MAPRE2: variants seen among roughly 807,000 people sequenced by gnomAD.
MAPRE2 encodes the protein microtubule associated protein RP/EB family member 2.
In MAPRE2, 13 loss-of-function variants were observed where a neutral mutation model predicts 43.2. The ratio of observed to expected loss-of-function variants is 0.30; its 90% CI spans 0.20 to 0.48. MAPRE2 has a LOEUF of 0.48. Ranked by LOEUF, MAPRE2 falls within the 20% of genes least tolerant of loss-of-function variation. The pLI is 0.99. For synonymous variants in MAPRE2, 135 were observed against 148.8 expected, an observed-to-expected ratio of 0.91 and a Z score of 0.68; for missense variants, 161 against 400.2, an observed-to-expected ratio of 0.40 and a Z score of 5.10.
chr18:35,014,966 A>G (rs190914701), intron 2 of MAPRE2, among the ~76,000 whole-genome samples: 2 of 152,258 alleles, frequency 1.3e-5, no homozygotes, highest in East Asian at 1.9e-4. Context: ...AATGTCACTA[A>G]AATTACTCTG....
intron 2 of MAPRE2, among the ~76,000 whole-genome samples, chr18:35,035,233 A>T (rs1373222889): frequency 2.0e-5 from 3 of 151,996 alleles, no homozygotes; most frequent in Non-Finnish European, 4.4e-5. Flanking sequence ...GAAATTGGAA[A>T]TCATCATTCT....
intron 4 of MAPRE2, among the ~76,000 whole-genome samples, chr18:35,116,608 C>T (rs1330947589): frequency 6.6e-6 from 1 of 152,198 alleles, no homozygotes; most frequent in Non-Finnish European, 1.5e-5. Context: ...GAAGGCCACC[C>T]TCAGTTCCTA....
intron 4 of MAPRE2, among the ~76,000 whole-genome samples, chr18:35,103,653 T>G (rs1908778714): frequency 6.6e-6 from 1 of 152,126 alleles, no homozygotes; most frequent in African/African-American, 2.4e-5. Context: ...TAGAGTGTCT[T>G]GAGAAACTTG....
At chr18:35,113,334 G>A (rs1443723366) in intron 4 of MAPRE2, among the ~76,000 whole-genome samples, 1 of 152,178 alleles carries the variant, frequency 6.6e-6, no homozygotes, top group Non-Finnish European at 1.5e-5. Context: ...TTCCTAGGAA[G>A]AGCCATACAT....
chr18:35,069,098 T>C (rs573581778), intron 1 of MAPRE2, among the ~76,000 whole-genome samples: 1 of 152,302 alleles, frequency 6.6e-6, no homozygotes, highest in East Asian at 1.9e-4. Context: ...CAGCGGAACA[T>C]GTTAAACCAC....
At chr18:35,046,730 G>A (rs1905640374) in intron 1 of MAPRE2, among the ~76,000 whole-genome samples, 1 of 152,210 alleles carries the variant, frequency 6.6e-6, no homozygotes. Flanking sequence ...TTAATGCCAT[G>A]CGAGAGCTTG....
intron 1 of MAPRE2, among the ~76,000 whole-genome samples, chr18:35,054,947 G>A (rs751376267): frequency 6.6e-6 from 1 of 152,106 alleles, no homozygotes; most frequent in Non-Finnish European, 1.5e-5. Flanking sequence ...GACCGAAGTC[G>A]AAGTTCTTGA....
At chr18:35,101,389 T>C (rs529310175) in intron 3 of MAPRE2, among the ~76,000 whole-genome samples, 1 of 152,218 alleles carries the variant, frequency 6.6e-6, no homozygotes, top group African/African-American at 2.4e-5. Flanking sequence ...GCATTTACCC[T>C]TTGAGTTACA....
In MAPRE2 at chr18:34,981,266, C is replaced by G. The variant is rs993722663; in HGVS notation, c.-70+4187C>G. Among the ~76,000 whole-genome samples the G allele has an allele frequency of 2.0e-5, 3 of 151,632 alleles. No individual in the cohort carries two copies. In the South Asian group the frequency reaches 6.2e-4, roughly 32 times the overall value. The stretch of plus-strand genomic sequence containing the variant: ...GCACACACCTGTAGTCCCAGCTACT[C>G]GGGAGGCTGAGGTGAGAGGATCGCT... On this transcript the variant is annotated intron_variant, in intron 1 of 7. Transcript: ENST00000413393.
chr18:35,092,234 G>C (rs1908185937), intron 2 of MAPRE2, among the ~76,000 whole-genome samples: 1 of 152,134 alleles, frequency 6.6e-6, no homozygotes, highest in African/African-American at 2.4e-5. Flanking sequence ...ATGTGGGTGG[G>C]GACGCAGATC....
At chr18:35,086,238 C>CT (rs1201353715) in intron 2 of MAPRE2, among the ~76,000 whole-genome samples, 2 of 151,434 alleles carry the variant, frequency 1.3e-5, no homozygotes, top group Admixed American at 6.6e-5. Flanking sequence ...TGCTGTGAGA[C>CT]TTTTTTTGAC....
At chr18:35,102,977 G>T (rs913235176) in intron 4 of MAPRE2, among the ~76,000 whole-genome samples, 2 of 152,012 alleles carry the variant, frequency 1.3e-5, no homozygotes, top group East Asian at 1.9e-4. Context: ...TTTCTTATTT[G>T]TGCCCAAACT....
At chr18:35,104,176 T>C (rs142150402) in intron 4 of MAPRE2, among the ~76,000 whole-genome samples, 2 of 152,116 alleles carry the variant, frequency 1.3e-5, no homozygotes, top group Admixed American at 6.6e-5. Context: ...TCAAATAGGA[T>C]GAAGCCTGAA....
At chr18:35,106,098 G>A (rs1569005517) in intron 4 of MAPRE2, among the ~76,000 whole-genome samples, 1 of 152,078 alleles carries the variant, frequency 6.6e-6, no homozygotes, top group Non-Finnish European at 1.5e-5. Context: ...TCAGCGGTCT[G>A]GAAAATTCAC....
chr18:35,001,375 G>A (rs2097029246), intron 1 of MAPRE2, among the ~76,000 whole-genome samples: 1 of 152,178 alleles, frequency 6.6e-6, no homozygotes, highest in African/African-American at 2.4e-5. Flanking sequence ...ATTAGTGGGT[G>A]TGGTGGCACA....
chr18:35,022,402 TAAG>T (rs2097042471), intron 2 of MAPRE2, among the ~76,000 whole-genome samples: 2 of 30,624 alleles, frequency 6.5e-5, no homozygotes, highest in South Asian at 2.9e-3. Context: ...TTTTTTATCA[TAAG>T]ATAACGGTAT....
intron 2 of MAPRE2, among the ~76,000 whole-genome samples, chr18:35,094,023 T>A (rs1365483017): frequency 6.6e-6 from 1 of 152,076 alleles, no homozygotes; most frequent in Non-Finnish European, 1.5e-5. Context: ...TGAGAAAAAT[T>A]GGAAAACAAG....
At chr18:35,122,527 T>G (rs1004587236) in intron 4 of MAPRE2, among the ~76,000 whole-genome samples, 4 of 152,238 alleles carry the variant, frequency 2.6e-5, no homozygotes, top group Non-Finnish European at 5.9e-5. Flanking sequence ...TCCCTCTCAT[T>G]TTAAATATCA....
At chr18:35,063,159 A>C (rs1366058194) in intron 1 of MAPRE2, among the ~76,000 whole-genome samples, 1 of 151,958 alleles carries the variant, frequency 6.6e-6, no homozygotes, top group East Asian at 1.9e-4. Flanking sequence ...GCCGGAGTGC[A>C]GTGGCGCGAT....
Sources: allele counts gnomAD v4.1 joint callset (sites outside exome capture counted in the v4.1 genomes callset), GRCh38; gene constraint gnomAD v4.1.1; transcripts MANE v1.5; gene names NCBI Gene and HGNC (gene_info 2026-07-23, HGNC 2026-07-21).